C13orf46: variants seen among roughly 807,000 people sequenced by gnomAD.
The protein encoded by C13orf46 is chromosome 13 open reading frame 46.
At chr13:113,968,421 A>G (rs1244669378) in intron 4 of C13orf46, 46 bp downstream of exon 4, 1 of 152,220 alleles carries the variant, frequency 6.6e-6, no homozygotes, top group Non-Finnish European at 1.5e-5. Context: ...TCCCGCCTGG[A>G]CAGGCCTCCC....
At position 113,971,788 on chromosome 13, in the gene C13orf46, A is replaced by G. The variant is rs188093193; in HGVS notation, c.191-1566T>C. Among the ~76,000 whole-genome samples, 460 of 152,354 alleles carry G rather than the reference A, an allele frequency of 3.0e-3. 6 individuals are homozygous for G. The highest frequency in any genetic ancestry group is 0.018 in the Admixed American group (280 of 15,308). ...GGGGTGAGGAGCTGAGTCCCTGCAG[A>G]AACCAAGGCCACGTCGGACTCTACC... On this transcript the variant is annotated intron_variant, in intron 1 of 6. Coordinates refer to ENST00000636427, the MANE Select transcript of C13orf46 (RefSeq NM_001365455.2).
At chr13:113,933,330 AATGAGTAGTGGCCATAG>A in the C13orf46 span, among the ~76,000 whole-genome samples, 1 of 152,220 alleles carries the variant, frequency 6.6e-6, no homozygotes, top group Non-Finnish European at 1.5e-5. Flanking sequence ...ATTGGCCATA[AATGAGTAGTGGCCATAG>A]ATGAGTAGGC....
At chr13:113,960,104 A>AC (rs2052575729) in intron 6 of C13orf46, among the ~76,000 whole-genome samples, 1 of 151,990 alleles carries the variant, frequency 6.6e-6, no homozygotes, top group African/African-American at 2.4e-5. Flanking sequence ...TACAAAAAAA[A>AC]AAATTAGCCA....
At chr13:113,957,330 G>A (rs1367592396) in intron 6 of C13orf46, among the ~76,000 whole-genome samples, 1 of 131,154 alleles carries the variant, frequency 7.6e-6, no homozygotes, top group Non-Finnish European at 1.6e-5. Context: ...CAAGCACACT[G>A]GGGGATCTCC....
At chr13:113,953,368 A>AC (rs1210264296), downstream of C13orf46, among the ~76,000 whole-genome samples, 3 of 151,250 alleles carry the variant, frequency 2.0e-5, no homozygotes, top group Non-Finnish European at 4.4e-5. Context: ...GTGGAACTTT[A>AC]CCCCCCGTGG....
At chr13:113,961,798 C>G (rs1404835357) in intron 6 of C13orf46, among the ~76,000 whole-genome samples, 1 of 151,910 alleles carries the variant, frequency 6.6e-6, no homozygotes, top group Non-Finnish European at 1.5e-5. Flanking sequence ...TGTGGCTACT[C>G]TGGAACTATG....
chr13:113,927,322 C>T, the C13orf46 span: 2 of 387,064 alleles, frequency 5.2e-6, no homozygotes, highest in East Asian at 3.7e-5. Context: ...GGGGACGCTG[C>T]CACCAGGCCT....
At chr13:113,936,068 C>T in the C13orf46 span, among the ~76,000 whole-genome samples, 20 of 152,226 alleles carry the variant, frequency 1.3e-4, no homozygotes, top group African/African-American at 4.8e-4. Context: ...CGATTTTCAT[C>T]AAGTTCAGAG....
chr13:113,956,217 C>T lies in C13orf46; in HGVS notation c.*556G>A, dbSNP rs2052531512. ...GGAGACGAGGAGCACCCGGTGGAGA[C>T]GAGGAGCATCTCGAGGAGACGAGGA... On this transcript the variant is annotated 3_prime_UTR_variant, in exon 7 of 7. Coordinates refer to ENST00000636427, the MANE Select transcript of C13orf46 (RefSeq NM_001365455.2). 1.4e-5 allele frequency: 2 copies of T among 145,846 alleles called. No individual in the cohort carries two copies. Among genetic ancestry groups the T allele is most frequent in the African/African-American group, 2.6e-5 (1 of 37,854 alleles). 9.0% of individuals were successfully genotyped at this position (145,846 alleles called of 1,614,324 possible).
chr13:113,945,610 AAGAAAGAAAG>A, the C13orf46 span, among the ~76,000 whole-genome samples: 1 of 53,636 alleles, frequency 1.9e-5, no homozygotes, highest in African/African-American at 6.6e-5. Context: ...AGAAAGAAGA[AAGAAAGAAAG>A]AAAGAAAGAA....
chr13:113,927,250 T>C, the C13orf46 span: 4 of 304,914 alleles, frequency 1.3e-5, no homozygotes, highest in African/African-American at 2.1e-5. Context: ...CTCTGGTCAG[T>C]GAAACTCTCA....
the C13orf46 span, among the ~76,000 whole-genome samples, chr13:113,945,665 AAAGAAAGG>A: frequency 1.2e-4 from 16 of 135,592 alleles, no homozygotes; most frequent in Non-Finnish European, 2.3e-4. Flanking sequence ...AGAAAGAAAG[AAAGAAAGG>A]AAAGAAAAAC....
chr13:113,952,200 G>A (rs1412989938), downstream of C13orf46, among the ~76,000 whole-genome samples: 3 of 152,224 alleles, frequency 2.0e-5, no homozygotes, highest in East Asian at 1.9e-4. Context: ...TTTGGAGCCC[G>A]GCAGGGACAC....
chr13:113,967,686 C>T (rs2052663648), intron 4 of C13orf46, among the ~76,000 whole-genome samples: 1 of 152,176 alleles, frequency 6.6e-6, no homozygotes, highest in African/African-American at 2.4e-5. Context: ...CAGAGGGTCT[C>T]CTCCAACCTC....
the C13orf46 span, among the ~76,000 whole-genome samples, chr13:113,939,400 C>CAAT: frequency 4.0e-3 from 602 of 151,886 alleles, 8 homozygotes; most frequent in East Asian, 0.048. Flanking sequence ...AGAGACCACC[C>CAAT]GATGGGGAGG....
chr13:113,948,078 C>T, the C13orf46 span, among the ~76,000 whole-genome samples: 4 of 152,362 alleles, frequency 2.6e-5, no homozygotes, highest in South Asian at 4.1e-4. Context: ...GACTTCTCAT[C>T]GTTCCCAAGA....
chr13:113,973,453 A>G (rs1301120571), intron 1 of C13orf46, among the ~76,000 whole-genome samples: 3 of 152,048 alleles, frequency 2.0e-5, no homozygotes, highest in East Asian at 1.9e-4. Context: ...TCACGTGTAA[A>G]TTGTGTGTTC....
intron 1 of C13orf46, chr13:113,970,547 T>G (rs894949562): frequency 1.3e-5 from 2 of 152,356 alleles, no homozygotes; most frequent in Middle Eastern, 6.8e-3. Flanking sequence ...CGGGACCTCT[T>G]GAAACTCCTC....
chr13:113,929,595 A>G, the C13orf46 span, among the ~76,000 whole-genome samples: 9 of 152,222 alleles, frequency 5.9e-5, no homozygotes, highest in African/African-American at 2.2e-4. Flanking sequence ...ACGAAAGCCC[A>G]GGCTGTGCAG....
Sources: gnomAD v4.1 joint callset for allele counts (sites outside exome capture counted in the v4.1 genomes callset) on GRCh38, gnomAD v4.1.1 for gene constraint, MANE v1.5 for transcripts, NCBI Gene and HGNC (gene_info 2026-07-23, HGNC 2026-07-21) for gene names.